The following CCDC85C variants were observed in gnomAD, a reference collection of about 807,000 sequenced individuals.
CCDC85C encodes coiled-coil domain containing 85C, also known as coiled-coil domain-containing protein 85C.
A neutral mutation model predicts 38.3 loss-of-function variants in CCDC85C; 18 were observed. The observed-to-expected ratio is 0.47, with a 90% CI of 0.33 to 0.70. CCDC85C has a LOEUF of 0.70. CCDC85C is among the 30% of genes least tolerant of loss of function. The pLI is 0.03. For synonymous variants in CCDC85C, 264 were observed against 293.8 expected, an observed-to-expected ratio of 0.90 and a Z score of 1.04; for missense variants, 566 against 621.2, an observed-to-expected ratio of 0.91 and a Z score of 0.94.
chr14:99,587,531 C>T (rs1206727211), intron 1 of CCDC85C, among the ~76,000 whole-genome samples: 1 of 152,364 alleles, frequency 6.6e-6, no homozygotes, highest in Non-Finnish European at 1.5e-5. Flanking sequence ...GGAACAAAGA[C>T]CTTCCAAGGC....
Position 99,507,051 on chromosome 14 carries a change from T to C in CCDC85C, c.*8195A>G. ...ATTCATGTGAAGAAGTATGAGTGGT[T>C]TTCTAATCTGCTTTTTCTTTGTAGA... is the stretch of plus-strand genomic sequence containing the variant. On this transcript the variant is annotated 3_prime_UTR_variant, in exon 6 of 6. Coordinates refer to ENST00000380243, the MANE Select transcript of CCDC85C (RefSeq NM_001144995.2). 1 of 1,461,768 alleles carries C rather than the reference T, an allele frequency of 6.8e-7. No individual in the cohort carries two copies. Among genetic ancestry groups the C allele is most frequent in the Non-Finnish European group, 9.6e-7 (1 of 1,041,164 alleles). The allele number at this position is 1,461,768 out of a possible 1,614,324, so 90.5% of individuals were successfully genotyped here.
chr14:99,521,269 G>C (rs1897299849), intron 3 of CCDC85C, among the ~76,000 whole-genome samples: 1 of 152,208 alleles, frequency 6.6e-6, no homozygotes, highest in African/African-American at 2.4e-5. Context: ...ATCGGCCATT[G>C]GCGGGCTTTG....
In CCDC85C at chr14:99,515,052, T is replaced by C; in HGVS notation, c.*194A>G. On this transcript the variant is annotated 3_prime_UTR_variant, in exon 6 of 6. Coordinates refer to ENST00000380243, the MANE Select transcript of CCDC85C (RefSeq NM_001144995.2). ...CTCGTCTTCCCAGGTTGCTGGTGTATGAGGCGGGAGATGGCGGCTTGGGCC... is the reference window on the plus strand; with the variant it reads ...CTCGTCTTCCCAGGTTGCTGGTGTACGAGGCGGGAGATGGCGGCTTGGGCC... The C allele has an allele frequency of 1.9e-6, 1 of 535,558 alleles. No individual in the cohort carries two copies. Among genetic ancestry groups the C allele is most frequent in the Non-Finnish European group, 3.3e-6 (1 of 298,564 alleles). The allele number at this position is 535,558 out of a possible 1,614,324, so 33.2% of individuals were successfully genotyped here. A position where few individuals can be genotyped will look rare whatever the true frequency, so the allele number is the denominator to read the frequency against.
chr14:99,542,222 G>A (rs1224025361), intron 1 of CCDC85C, among the ~76,000 whole-genome samples: 1 of 152,218 alleles, frequency 6.6e-6, no homozygotes, highest in Admixed American at 6.5e-5. Flanking sequence ...TCCATGAGGT[G>A]GAAGGGCCTC....
intron 1 of CCDC85C, among the ~76,000 whole-genome samples, chr14:99,540,386 C>T (rs979410712): frequency 1.3e-5 from 2 of 152,158 alleles, no homozygotes; most frequent in Non-Finnish European, 2.9e-5. Flanking sequence ...CAGGCGGGGG[C>T]TGGAGGGCAG....
At position 99,547,274 on chromosome 14, in the gene CCDC85C, G is replaced by A. The variant is rs548257453; in HGVS notation, c.794-11186C>T. Among the ~76,000 whole-genome samples the A allele has an allele frequency of 1.4e-4, 21 of 152,226 alleles. No individual in the cohort carries two copies. The South Asian group carries it at 2.7e-3, about 20-fold the overall frequency. ...GGAAAGAAGTGAGACACCAAAGATC[G>A]TATACTGTACGTTTCCATTTATATA... On this transcript the variant is annotated intron_variant, in intron 1 of 5. Transcript: ENST00000380243.
At position 99,501,515 on chromosome 14, in the gene CCDC85C, A is replaced by T; in HGVS notation, c.*13731T>A. ...CCTCATTTTGTGTCAGAAGAAACTG[A>T]CTTGCCCTGGCTTGAGGAGCCAGTT... On this transcript the variant is annotated 3_prime_UTR_variant, in exon 6 of 6. Transcript: ENST00000380243. 2.4e-6 allele frequency: 2 copies of T among 844,254 alleles called. No homozygotes were observed. Among genetic ancestry groups the T allele is most frequent in the Admixed American group, 2.1e-5 (1 of 47,606 alleles). The allele number at this position is 844,254 out of a possible 1,614,324, so 52.3% of individuals were successfully genotyped here.
chr14:99,554,418 G>A (rs1344116747), intron 1 of CCDC85C, among the ~76,000 whole-genome samples: 2 of 152,244 alleles, frequency 1.3e-5, no homozygotes, highest in East Asian at 1.9e-4. Flanking sequence ...GCACTGGAGT[G>A]TGCATGTCCC....
At chr14:99,598,881 A>T (rs1367707660) in intron 1 of CCDC85C, among the ~76,000 whole-genome samples, 2 of 152,210 alleles carry the variant, frequency 1.3e-5, no homozygotes, top group African/African-American at 4.8e-5. Context: ...CAAACTGTGA[A>T]GCACTGGGCA....
At chr14:99,567,627 C>G (rs1898242074) in intron 1 of CCDC85C, among the ~76,000 whole-genome samples, 1 of 152,186 alleles carries the variant, frequency 6.6e-6, no homozygotes, top group Admixed American at 6.5e-5. Context: ...GAGTTCAAGA[C>G]CAGCCTGACC....
intron 1 of CCDC85C, among the ~76,000 whole-genome samples, chr14:99,537,418 A>G (rs556762670): frequency 1.3e-5 from 2 of 152,212 alleles, no homozygotes; most frequent in East Asian, 1.9e-4. Context: ...CACAGGACCA[A>G]TGAAGCATCT....
At chr14:99,563,538 G>C (rs1054460742) in intron 1 of CCDC85C, among the ~76,000 whole-genome samples, 4 of 152,284 alleles carry the variant, frequency 2.6e-5, no homozygotes, top group Non-Finnish European at 4.4e-5. Context: ...TCCCCCAAAG[G>C]GGGAGCCGGC....
In CCDC85C at chr14:99,601,593, A is replaced by T. The variant is rs1474822334; in HGVS notation, c.793+1574T>A. ...GCAATCTGCTCTTTGGACTGCACTT[A>T]GGGAAACCGAGGCCCAGATAACTGA... On this transcript the variant is annotated intron_variant, in intron 1 of 5. Transcript: ENST00000380243. Among the ~76,000 whole-genome samples the T allele has an allele frequency of 2.0e-5, 3 of 152,176 alleles. 1 individual carries two copies. Among genetic ancestry groups the T allele is most frequent in the Non-Finnish European group, 4.4e-5 (3 of 68,028 alleles).
chr14:99,570,870 A>T (rs56118441), intron 1 of CCDC85C, among the ~76,000 whole-genome samples: 86,433 of 151,658 alleles, frequency 0.57, 24,674 homozygotes, highest in African/African-American at 0.62. Flanking sequence ...CAGGCAACCA[A>T]CTGGCCTGGG....
chr14:99,589,104 G>A (rs1196216274), intron 1 of CCDC85C, among the ~76,000 whole-genome samples: 3 of 152,064 alleles, frequency 2.0e-5, no homozygotes, highest in African/African-American at 7.2e-5. Context: ...TGTCAACAGA[G>A]TAAGCCCTGA....
rs1161681770 is a variant in CCDC85C, at chr14:99,558,111, C to T, written c.794-22023G>A. On this transcript the variant is annotated intron_variant, in intron 1 of 5. Transcript: ENST00000380243. This position sits in a 1 kb window ranked among gnomAD's most constrained non-coding sequence, Gnocchi z 4.2. ...ATTCTGGAAAAACCTGGACAAACCT[C>T]CACAGTTTCTCAGGGTCTCCTTGAA... Among the ~76,000 whole-genome samples the T allele has an allele frequency of 6.6e-6, 1 of 152,198 alleles. No individual in the cohort carries two copies. Among genetic ancestry groups the T allele is most frequent in the Non-Finnish European group, 1.5e-5 (1 of 68,032 alleles).
intron 3 of CCDC85C, among the ~76,000 whole-genome samples, chr14:99,518,833 C>G (rs1411827676): frequency 6.6e-6 from 1 of 152,210 alleles, no homozygotes; most frequent in Non-Finnish European, 1.5e-5. Context: ...CAAGCCGCCC[C>G]TCTCCTGCCC....
chr14:99,532,077 A>G (rs757921334), intron 2 of CCDC85C, among the ~76,000 whole-genome samples: 2 of 152,164 alleles, frequency 1.3e-5, no homozygotes, highest in Non-Finnish European at 2.9e-5. Flanking sequence ...GGAGACACCA[A>G]TGTGGCCACT....
At chr14:99,539,065 C>T (rs934145743) in intron 1 of CCDC85C, among the ~76,000 whole-genome samples, 1 of 152,236 alleles carries the variant, frequency 6.6e-6, no homozygotes, top group African/African-American at 2.4e-5. Flanking sequence ...ATAAAATACA[C>T]TGCAGACCAC....
Sources: allele counts gnomAD v4.1 joint callset (sites outside exome capture counted in the v4.1 genomes callset), GRCh38; gene constraint gnomAD v4.1.1; non-coding constraint Gnocchi (gnomAD v3.1); transcripts MANE v1.5; gene names NCBI Gene and HGNC (gene_info 2026-07-23, HGNC 2026-07-21).